ADAMTS3: variants seen among roughly 807,000 people sequenced by gnomAD.
ADAMTS3 encodes A disintegrin and metalloproteinase with thrombospondin motifs 3.
Under a neutral mutation model 129.0 loss-of-function variants are expected in ADAMTS3, and 73 were observed. The observed-to-expected ratio is 0.57, with a 90% CI of 0.47 to 0.69. ADAMTS3 has a LOEUF of 0.69. ADAMTS3 is among the 30% of genes least tolerant of loss of function. The probability of loss-of-function intolerance (pLI) is 0.00; values close to 1 mark genes in which losing one functional copy is unlikely to be tolerated. For synonymous variants in ADAMTS3, 477 were observed against 510.8 expected (o/e 0.93, Z 0.89); for missense variants, 1,457 against 1,514.5 (o/e 0.96, Z 0.63).
chr4:72,544,817 C>T (rs1014652200), intron 3 of ADAMTS3, among the ~76,000 whole-genome samples: 3 of 152,104 alleles, frequency 2.0e-5, no homozygotes, highest in African/African-American at 7.2e-5. Flanking sequence ...AGAAAAAGTA[C>T]TTCCCATGCC....
chr4:72,497,144 C>A (rs971979764), intron 3 of ADAMTS3, among the ~76,000 whole-genome samples: 3 of 151,888 alleles, frequency 2.0e-5, no homozygotes, highest in Non-Finnish European at 4.4e-5. Flanking sequence ...ATATAATCCA[C>A]AAATTTATGA....
chr4:72,316,095 T>A, intron 10 of ADAMTS3, 124 bp from the exon 11 acceptor site: 1 of 453,028 alleles, frequency 2.2e-6, no homozygotes, highest in Non-Finnish European at 3.9e-6. Flanking sequence ...TAATAGCCAA[T>A]GTTTTGACAT....
At chr4:72,516,819 A>G (rs1361856662) in intron 3 of ADAMTS3, among the ~76,000 whole-genome samples, 1 of 151,714 alleles carries the variant, frequency 6.6e-6, no homozygotes, top group African/African-American at 2.4e-5. Context: ...CTAATTGAAT[A>G]CCCTTTATTT....
Position 72,290,945 on chromosome 4 carries a change from G to A in ADAMTS3, c.2841C>T (p.Ser947=). The A allele has an allele frequency of 6.2e-7, 1 of 1,614,066 alleles. No individual in the cohort carries two copies. The highest frequency in any genetic ancestry group is 1.1e-5 in the South Asian group (1 of 91,090). ...CGGGACGGTCACCCATGCAGTATTTGCTGTGCACAGAGCGGTTGGTGCCAT... is the reference window on the plus strand; with the variant it reads ...CGGGACGGTCACCCATGCAGTATTTACTGTGCACAGAGCGGTTGGTGCCAT... ...LLDGTNRSVH[S]KYCMGDRPES... The change falls in exon 20 of 22, where the codon AGC becomes AGT. Residue 947 remains serine, a synonymous_variant. Transcript: ENST00000286657.
chr4:72,480,801 T>C (rs965968151), intron 3 of ADAMTS3, among the ~76,000 whole-genome samples: 1 of 149,900 alleles, frequency 6.7e-6, no homozygotes, highest in African/African-American at 2.4e-5. Context: ...TATGATAGTC[T>C]ACATAGAAAA....
At chr4:72,366,192 G>A (rs149592191) in intron 4 of ADAMTS3, among the ~76,000 whole-genome samples, 5 of 152,288 alleles carry the variant, frequency 3.3e-5, no homozygotes, top group Admixed American at 1.3e-4. Flanking sequence ...TAGCTCACAT[G>A]TCTTGGCTCT....
intron 3 of ADAMTS3, among the ~76,000 whole-genome samples, chr4:72,469,079 C>T (rs903523109): frequency 6.7e-6 from 1 of 149,532 alleles, no homozygotes; most frequent in African/African-American, 2.6e-5. Flanking sequence ...TCATTATCAA[C>T]TTAACAAATT....
intron 4 of ADAMTS3, among the ~76,000 whole-genome samples, chr4:72,380,871 C>T (rs1223337708): frequency 1.3e-5 from 2 of 152,096 alleles, no homozygotes; most frequent in Non-Finnish European, 2.9e-5. Context: ...TCCACTGGTT[C>T]AGAGCATATC....
rs199551172 is a variant in ADAMTS3 at position 72,546,450 on chromosome 4, A to C, written c.504+2028T>G. 2.4e-4 allele frequency among the ~76,000 whole-genome samples: 6 copies of C among 25,516 alleles called. No homozygotes were observed. The East Asian group carries it at 3.5e-3, about 15-fold the overall frequency. 16.7% of individuals were successfully genotyped at this position (25,516 alleles called of 152,430 possible). On this transcript the variant is annotated intron_variant, in intron 3 of 21. Coordinates refer to ENST00000286657, the MANE Select transcript of ADAMTS3 (RefSeq NM_014243.3). ...ATCTGAACGAAGAATTACAAATGTT[A>C]AAAAAAAAAAAGTTGAAAACCTCTG...
chr4:72,446,256 T>A (rs1226760368), intron 3 of ADAMTS3, among the ~76,000 whole-genome samples: 1 of 151,714 alleles, frequency 6.6e-6, no homozygotes, highest in Admixed American at 6.6e-5. Flanking sequence ...TATCTTTTTA[T>A]TTGGGAAAAA....
intron 5 of ADAMTS3, among the ~76,000 whole-genome samples, chr4:72,328,068 T>C (rs1578585798): frequency 1.3e-5 from 2 of 152,314 alleles, no homozygotes; most frequent in East Asian, 3.9e-4. Context: ...TGACACTGCA[T>C]AATGCAAACC....
intron 4 of ADAMTS3, among the ~76,000 whole-genome samples, chr4:72,377,221 G>A (rs1350476296): frequency 2.6e-5 from 4 of 152,054 alleles, no homozygotes; most frequent in Non-Finnish European, 5.9e-5. Flanking sequence ...GTAATTAAAT[G>A]TTTTATTACC....
At chr4:72,505,057 T>C (rs1163128004) in intron 3 of ADAMTS3, among the ~76,000 whole-genome samples, 1 of 152,210 alleles carries the variant, frequency 6.6e-6, no homozygotes, top group African/African-American at 2.4e-5. Flanking sequence ...TTATCTGTCA[T>C]TTGTGAGTTT....
intron 3 of ADAMTS3, among the ~76,000 whole-genome samples, chr4:72,510,104 G>T (rs1720273827): frequency 6.6e-6 from 1 of 151,190 alleles, no homozygotes; most frequent in South Asian, 2.1e-4. Flanking sequence ...AAAAGATCAG[G>T]TAAAGAAGGA....
intron 3 of ADAMTS3, among the ~76,000 whole-genome samples, chr4:72,420,255 T>C (rs1195469716): frequency 6.6e-6 from 1 of 152,108 alleles, no homozygotes. Context: ...TCCGGCCTCA[T>C]CTGCTCACTC....
intron 3 of ADAMTS3, among the ~76,000 whole-genome samples, chr4:72,434,326 C>T (rs1722768548): frequency 6.6e-6 from 1 of 151,850 alleles, no homozygotes; most frequent in Non-Finnish European, 1.5e-5. Context: ...AAAAACTAGA[C>T]TCAAGAAATT....
At chr4:72,484,864 C>G (rs1032267768) in intron 3 of ADAMTS3, among the ~76,000 whole-genome samples, 10 of 152,056 alleles carry the variant, frequency 6.6e-5, no homozygotes, top group Non-Finnish European at 1.5e-4. Context: ...TATAAGACCC[C>G]CAAAATGCCA....
chr4:72,361,473 G>T (rs1189176583), intron 4 of ADAMTS3, among the ~76,000 whole-genome samples: 1 of 152,090 alleles, frequency 6.6e-6, no homozygotes, highest in Non-Finnish European at 1.5e-5. Context: ...GTGAGAGAGG[G>T]TCTTCTGGTA....
intron 4 of ADAMTS3, among the ~76,000 whole-genome samples, chr4:72,369,575 G>A (rs1047444084): frequency 6.6e-6 from 1 of 152,070 alleles, no homozygotes; most frequent in Non-Finnish European, 1.5e-5. Flanking sequence ...GCCAGGCATG[G>A]TAGTGGGAGC....
Sources: allele counts gnomAD v4.1 joint callset (sites outside exome capture counted in the v4.1 genomes callset), GRCh38; gene constraint gnomAD v4.1.1; transcripts MANE v1.5; gene names NCBI Gene and HGNC (gene_info 2026-07-23, HGNC 2026-07-21).